PIGL: variants seen among roughly 807,000 people sequenced by gnomAD.
The protein encoded by PIGL is N-acetylglucosaminyl-phosphatidylinositol de-N-acetylase.
PIGL carries 22 observed loss-of-function variants against 31.1 expected under a neutral mutation model. The observed-to-expected ratio is 0.71, with a 90% CI of 0.51 to 1.01. The LOEUF is 1.01. Ranked by LOEUF, PIGL falls within the 50% of genes least tolerant of loss-of-function variation. The probability of loss-of-function intolerance (pLI) is 0.00; values close to 1 mark genes in which losing one functional copy is unlikely to be tolerated. For missense variants in PIGL, 302 were observed against 315.9 expected, an observed-to-expected ratio of 0.96 and a Z score of 0.33; for synonymous variants, 131 against 117.4, an observed-to-expected ratio of 1.12 and a Z score of -0.75.
Position 16,262,081 on chromosome 17 carries a change from G to C in PIGL, c.335+28011G>C, listed in dbSNP as rs1349510614. The stretch of plus-strand genomic sequence containing the variant: ...CTACTAAAAATACAAAAATTAGCCG[G>C]GTGTGGTGGTGCGCACCTGTAATCC... On this transcript the variant is annotated intron_variant, in intron 2 of 6. Coordinates refer to ENST00000225609, the MANE Select transcript of PIGL (RefSeq NM_004278.4). 2.6e-5 allele frequency among the ~76,000 whole-genome samples: 4 copies of C among 151,840 alleles called. No homozygotes were observed. In the East Asian group the frequency reaches 7.8e-4, roughly 30 times the overall value.
At position 16,325,885 on chromosome 17, in the gene PIGL, T is replaced by C. The variant is rs1319486672; in HGVS notation, c.746T>C (p.Leu249Pro). The change falls in exon 7 of 7, where the codon CTG becomes CCG. Residue 249 changes from leucine (L) to proline (P), a missense_variant. Leu to Pro is a moderately conservative substitution (Grantham distance 98, BLOSUM62 -3). Transcript: ENST00000225609. ...IFSRYMRINS[L>P]SFL is the part of the protein sequence containing the mutation. Reference sequence around the variant, plus strand: ...TCCCGGTACATGAGAATCAACTCACTGAGCTTCCTCTGAAGCCTTGAAGGG... The same window carrying C: ...TCCCGGTACATGAGAATCAACTCACCGAGCTTCCTCTGAAGCCTTGAAGGG... 6.2e-7 allele frequency: 1 copy of C among 1,612,400 alleles called. No individual in the cohort carries two copies. The highest frequency in any genetic ancestry group is 8.5e-7 in the Non-Finnish European group (1 of 1,178,548).
intron 2 of PIGL, among the ~76,000 whole-genome samples, chr17:16,244,168 A>G (rs1207787036): frequency 2.0e-5 from 3 of 152,226 alleles, no homozygotes; most frequent in Admixed American, 1.3e-4. Flanking sequence ...CTCCAGCTGC[A>G]TGACTCCTAA....
chr17:16,315,043 A>G (rs1421257331), intron 4 of PIGL, among the ~76,000 whole-genome samples: 1 of 152,146 alleles, frequency 6.6e-6, no homozygotes, highest in Non-Finnish European at 1.5e-5. Flanking sequence ...GGGGCACTTG[A>G]GATTGAGTCA....
chr17:16,269,590 G>T (rs957298188), intron 2 of PIGL, among the ~76,000 whole-genome samples: 1 of 150,596 alleles, frequency 6.6e-6, no homozygotes, highest in Non-Finnish European at 1.5e-5. Context: ...GGCTAGGGTT[G>T]CAGTGAGCCT....
intron 2 of PIGL, among the ~76,000 whole-genome samples, chr17:16,234,801 A>C (rs1024271033): frequency 1.3e-5 from 2 of 152,258 alleles, no homozygotes; most frequent in African/African-American, 4.8e-5. Context: ...ATTTGTTTTT[A>C]AATGACAGCG....
intron 2 of PIGL, among the ~76,000 whole-genome samples, chr17:16,245,015 G>A (rs573253343): frequency 2.6e-5 from 4 of 151,402 alleles, no homozygotes; most frequent in South Asian, 2.1e-4. Flanking sequence ...TTTTTGAGAC[G>A]GAGTTTCGCT....
In PIGL at chr17:16,313,618, T is replaced by C. The variant is rs918670029; in HGVS notation, c.494+4T>C. The C allele has an allele frequency of 1.9e-6, 3 of 1,609,308 alleles. No homozygotes were observed. Among genetic ancestry groups the C allele is most frequent in the East Asian group, 4.5e-5 (2 of 44,870 alleles). On this transcript the variant is annotated splice_donor_region_variant and intron_variant, in intron 4 of 6. Transcript: ENST00000225609. ...TTGCTCTGTATGCAGCTGTGAGGTA[T>C]GATTCTCCGGGTGATGGATGTGGGG... is the stretch of plus-strand genomic sequence containing the variant.
At chr17:16,315,627 G>T (rs185704400) in intron 4 of PIGL, among the ~76,000 whole-genome samples, 2 of 150,806 alleles carry the variant, frequency 1.3e-5, no homozygotes, top group Admixed American at 1.3e-4. Context: ...GCTTTGCCCA[G>T]AGTACAGGAC....
chr17:16,227,114 C>CTT (rs533884604), intron 1 of PIGL, among the ~76,000 whole-genome samples: 1 of 144,986 alleles, frequency 6.9e-6, no homozygotes, highest in African/African-American at 2.5e-5. Context: ...TGGGTTTTTT[C>CTT]TTTTTTTTTT....
intron 1 of PIGL, among the ~76,000 whole-genome samples, chr17:16,224,065 A>G (rs2092641004): frequency 6.6e-6 from 1 of 151,800 alleles, no homozygotes; most frequent in African/African-American, 2.4e-5. Flanking sequence ...AAATACAAAA[A>G]TTAGCTGGGC....
chr17:16,294,368 G>A (rs544277668), intron 2 of PIGL, among the ~76,000 whole-genome samples: 1 of 152,240 alleles, frequency 6.6e-6, no homozygotes, highest in African/African-American at 2.4e-5. Context: ...CTGAGCTTCT[G>A]GGGTGAAACT....
intron 2 of PIGL, among the ~76,000 whole-genome samples, chr17:16,253,669 C>G (rs2092781939): frequency 6.6e-6 from 1 of 152,082 alleles, no homozygotes; most frequent in Non-Finnish European, 1.5e-5. Flanking sequence ...ACTGGCCAGA[C>G]ACAGTGGCTC....
chr17:16,295,805 G>A (rs1022288398), intron 2 of PIGL, among the ~76,000 whole-genome samples: 6 of 152,142 alleles, frequency 3.9e-5, no homozygotes, highest in Non-Finnish European at 8.8e-5. Flanking sequence ...GCTGGGCATG[G>A]TGGCACATGC....
At chr17:16,278,448 A>G (rs558297071) in intron 2 of PIGL, among the ~76,000 whole-genome samples, 2 of 152,350 alleles carry the variant, frequency 1.3e-5, no homozygotes, top group South Asian at 4.1e-4. Flanking sequence ...ATGTCTGACC[A>G]TAAGGTAAGG....
chr17:16,256,438 C>G (rs1185100568), intron 2 of PIGL, among the ~76,000 whole-genome samples: 1 of 152,130 alleles, frequency 6.6e-6, no homozygotes, highest in Non-Finnish European at 1.5e-5. Flanking sequence ...CCCGATTCCT[C>G]TGCCTCAGCT....
At position 16,309,973 on chromosome 17, in the gene PIGL, G is replaced by C. The variant is rs146966338; in HGVS notation, c.427-3574G>C. The stretch of plus-strand genomic sequence containing the variant: ...CGTACCTGTAGTCCCAGCTACTCAG[G>C]AGGCAGAGGTGAGAGAATCTCTTGA... On this transcript the variant is annotated intron_variant, in intron 3 of 6. Coordinates refer to ENST00000225609, the MANE Select transcript of PIGL (RefSeq NM_004278.4). Among the ~76,000 whole-genome samples the C allele has an allele frequency of 8.9e-3, 1,343 of 150,320 alleles. 23 individuals are homozygous for C. Among genetic ancestry groups the C allele is most frequent in the African/African-American group, 0.031 (1,280 of 40,990 alleles).
chr17:16,240,522 G>C (rs531694804), intron 2 of PIGL, among the ~76,000 whole-genome samples: 27 of 151,730 alleles, frequency 1.8e-4, no homozygotes, highest in Non-Finnish European at 1.2e-4. Context: ...CATTTTATTT[G>C]AGACAGAGTT....
intron 2 of PIGL, among the ~76,000 whole-genome samples, chr17:16,271,622 C>T (rs1470257330): frequency 6.6e-6 from 1 of 151,892 alleles, no homozygotes; most frequent in Non-Finnish European, 1.5e-5. Flanking sequence ...ACCTCCACCT[C>T]CTGGGTTCAA....
intron 1 of PIGL, among the ~76,000 whole-genome samples, chr17:16,222,634 A>G (rs780962334): frequency 8.6e-5 from 13 of 151,540 alleles, no homozygotes; most frequent in African/African-American, 1.7e-4. Context: ...ATTGCCTTGT[A>G]TGCCTTGTCA....
Sources: allele counts gnomAD v4.1 joint callset (sites outside exome capture counted in the v4.1 genomes callset), GRCh38; gene constraint gnomAD v4.1.1; transcripts MANE v1.5; gene names NCBI Gene and HGNC (gene_info 2026-07-23, HGNC 2026-07-21).